The following JPH3 variants were observed in gnomAD, a reference collection of about 807,000 sequenced individuals.
The protein encoded by JPH3 is junctophilin-3.
A neutral mutation model predicts 59.6 loss-of-function variants in JPH3; 11 were observed. The observed-to-expected ratio is 0.18, with a 90% confidence interval of 0.12 to 0.31. JPH3 has a LOEUF of 0.31. Ranked by LOEUF, JPH3 falls within the 10% of genes least tolerant of loss-of-function variation. The pLI, the probability that JPH3 is intolerant of heterozygous loss-of-function variation, is 1.00. For synonymous variants in JPH3, 673 were observed against 483.6 expected (o/e 1.39, Z -5.14); for missense variants, 1,202 against 1,105.7 (o/e 1.09, Z -1.24).
chr16:87,646,219 C>T (rs1336707497), intron 2 of JPH3, among the ~76,000 whole-genome samples: 1 of 152,222 alleles, frequency 6.6e-6, no homozygotes, highest in Non-Finnish European at 1.5e-5. Context: ...TAAAGTTCAG[C>T]CCATTTGGTT....
At chr16:87,673,809 C>T (rs2033076900) in intron 2 of JPH3, among the ~76,000 whole-genome samples, 1 of 151,924 alleles carries the variant, frequency 6.6e-6, no homozygotes. Context: ...ACCTGTAATC[C>T]CAGCTACTTG....
intron 2 of JPH3, among the ~76,000 whole-genome samples, chr16:87,679,253 T>C (rs1053350967): frequency 6.6e-6 from 1 of 151,480 alleles, no homozygotes; most frequent in Non-Finnish European, 1.5e-5. Context: ...CTTTCTTTCT[T>C]TAAAAATTTT....
chr16:87,690,667 G>A (rs2033545864), intron 4 of JPH3, 141 bp downstream of exon 4: 4 of 926,470 alleles, frequency 4.3e-6, no homozygotes, highest in Non-Finnish European at 5.8e-6. Flanking sequence ...GTACAGCCGG[G>A]AGTGGTGGCC....
Position 87,611,566 on chromosome 16 carries a change from C to T in JPH3, c.382+8038C>T, listed in dbSNP as rs539570614. 1.3e-5 allele frequency among the ~76,000 whole-genome samples: 2 copies of T among 152,282 alleles called. No homozygotes were observed. Among genetic ancestry groups the T allele is most frequent in the East Asian group, 3.9e-4 (2 of 5,190 alleles). On this transcript the variant is annotated intron_variant, in intron 1 of 4. Coordinates refer to ENST00000284262, the MANE Select transcript of JPH3 (RefSeq NM_020655.4). This position sits in a 1 kb window ranked among gnomAD's most constrained non-coding sequence, Gnocchi z 4.5. ...CAGGGAAGGCTCGCTGGTGCAAATG[C>T]TTTCCAAAAACACCGAGAGTCGCTC...
chr16:87,602,445 GGGGGGC>G (rs2030247022), upstream of JPH3, among the ~76,000 whole-genome samples: 1 of 106,502 alleles, frequency 9.4e-6, no homozygotes, highest in Non-Finnish European at 1.9e-5. Context: ...GGCGGGGGGC[GGGGGGC>G]GGGGGGCGGG....
intron 1 of JPH3, among the ~76,000 whole-genome samples, chr16:87,636,486 G>C (rs1312206118): frequency 6.6e-6 from 1 of 152,216 alleles, no homozygotes; most frequent in Non-Finnish European, 1.5e-5. Context: ...AGGGAGAGGA[G>C]CAACTGCGGC....
At chr16:87,625,226 A>G (rs907548637) in intron 1 of JPH3, among the ~76,000 whole-genome samples, 1 of 152,222 alleles carries the variant, frequency 6.6e-6, no homozygotes, top group East Asian at 1.9e-4. Flanking sequence ...GCGACTGACC[A>G]CTGGGCATGG....
At position 87,669,308 on chromosome 16, in the gene JPH3, C is replaced by G. The variant is rs2032955615; in HGVS notation, c.1161-14834C>G. Among the ~76,000 whole-genome samples, 3 of 152,292 alleles carry G rather than the reference C, an allele frequency of 2.0e-5. No individual in the cohort carries two copies. In the South Asian group the frequency reaches 6.2e-4, roughly 32 times the overall value. ...TGGGGTTGCTGAGTGAGGCTGAAAT[C>G]CCAGATGGGATGTCTGGGCTCCTCC... On this transcript the variant is annotated intron_variant, in intron 2 of 4. Coordinates refer to ENST00000284262, the MANE Select transcript of JPH3 (RefSeq NM_020655.4).
intron 1 of JPH3, among the ~76,000 whole-genome samples, chr16:87,635,843 G>A (rs375196778): frequency 3.9e-5 from 6 of 152,210 alleles, no homozygotes; most frequent in African/African-American, 1.2e-4. Flanking sequence ...CAGCAGAGCC[G>A]GGGGCTCCTG....
At chr16:87,693,567 C>T (rs940291542) in intron 4 of JPH3, 3 of 152,298 alleles carry the variant, frequency 2.0e-5, no homozygotes, top group Non-Finnish European at 4.4e-5. Flanking sequence ...TCCAGCTACT[C>T]AGGAGGCTGA....
chr16:87,616,593 C>T (rs935832827), intron 1 of JPH3, among the ~76,000 whole-genome samples: 4 of 151,920 alleles, frequency 2.6e-5, no homozygotes, highest in South Asian at 2.1e-4. Context: ...TTGAGATCAC[C>T]GTAGATTCCC....
chr16:87,641,895 C>T (rs561160165), intron 1 of JPH3, among the ~76,000 whole-genome samples: 1 of 152,228 alleles, frequency 6.6e-6, no homozygotes, highest in Non-Finnish European at 1.5e-5. Flanking sequence ...CATCTAAGAC[C>T]CCAGCCACTG....
rs1318517771 is a variant in JPH3 at position 87,689,805 on chromosome 16, C to G, written c.1445C>G (p.Thr482Ser). ...PDDSPLQSFP[T>S]SPAATPPPAP... Reference sequence around the variant, plus strand: ...GACAGCCCCCTGCAGAGCTTCCCCACCAGCCCCGCGGCCACCCCGCCGCCC... The same window carrying G: ...GACAGCCCCCTGCAGAGCTTCCCCAGCAGCCCCGCGGCCACCCCGCCGCCC... The change falls in exon 4 of 5, where the codon ACC becomes AGC. Residue 482 changes from threonine to serine, a missense_variant. Coordinates refer to ENST00000284262, the MANE Select transcript of JPH3 (RefSeq NM_020655.4). The G allele has an allele frequency of 1.9e-6, 3 of 1,591,240 alleles. No individual in the cohort carries two copies. The highest frequency in any genetic ancestry group is 1.3e-5 in the African/African-American group (1 of 74,316).
intron 2 of JPH3, chr16:87,654,671 G>C (rs962586492): frequency 6.6e-6 from 1 of 152,312 alleles, no homozygotes; most frequent in Non-Finnish European, 1.5e-5. Flanking sequence ...CCAGAGTCAT[G>C]ACCATCAGCA....
At chr16:87,678,289 A>G (rs2033200360) in intron 2 of JPH3, among the ~76,000 whole-genome samples, 1 of 152,118 alleles carries the variant, frequency 6.6e-6, no homozygotes, top group Non-Finnish European at 1.5e-5. Context: ...CACATCTGTA[A>G]TCCCAGCACT....
chr16:87,624,568 T>G (rs3849255), intron 1 of JPH3, among the ~76,000 whole-genome samples: 2 of 152,230 alleles, frequency 1.3e-5, no homozygotes, highest in South Asian at 2.1e-4. Context: ...GGATGGCTCA[T>G]GGGTGGAAAC....
chr16:87,613,015 G>A (rs937243187), intron 1 of JPH3, among the ~76,000 whole-genome samples: 1 of 151,330 alleles, frequency 6.6e-6, no homozygotes, highest in African/African-American at 2.4e-5. Context: ...GAAAGAGTGA[G>A]ACTCCGTCTC....
At chr16:87,621,730 G>A (rs1160937135) in intron 1 of JPH3, among the ~76,000 whole-genome samples, 1 of 152,202 alleles carries the variant, frequency 6.6e-6, no homozygotes, top group Non-Finnish European at 1.5e-5. Context: ...GGGCAAGAGG[G>A]TGTTGGGAAG....
intron 4 of JPH3, chr16:87,695,017 A>G (rs776447060): frequency 4.4e-5 from 14 of 320,488 alleles, no homozygotes; most frequent in South Asian, 1.1e-4. Context: ...GAGTGTGTGC[A>G]CACACAAGGT....
Sources: gnomAD v4.1 joint callset for allele counts (sites outside exome capture counted in the v4.1 genomes callset) on GRCh38, gnomAD v4.1.1 for gene constraint, Gnocchi (gnomAD v3.1) non-coding constraint, MANE v1.5 for transcripts, NCBI Gene and HGNC (gene_info 2026-07-23, HGNC 2026-07-21) for gene names.